Variants in ROCK2 observed in about 807,000 individuals in gnomAD.
ROCK2 encodes the protein rho-associated protein kinase 2.
ROCK2 carries 61 observed loss-of-function variants against 195.1 expected under a neutral mutation model. That is an observed-to-expected ratio of 0.31 (90% confidence interval 0.25 to 0.39). The LOEUF (loss-of-function observed/expected upper bound fraction) is 0.39, where lower values mean the gene tolerates loss of function less well. Among genes scored for constraint, ROCK2 ranks in the 10% least tolerant of loss-of-function variants. The pLI is 1.00. For missense variants in ROCK2, 1,109 were observed against 1,637.4 expected, an observed-to-expected ratio of 0.68 and a Z score of 5.57; for synonymous variants, 504 against 545.5, an observed-to-expected ratio of 0.92 and a Z score of 1.06.
intron 27 of ROCK2, among the ~76,000 whole-genome samples, chr2:11,196,385 G>A (rs902906868): frequency 6.6e-6 from 1 of 152,164 alleles, no homozygotes; most frequent in Non-Finnish European, 1.5e-5. Flanking sequence ...TGAAACTTCA[G>A]GAAGAATTTC....
chr2:11,216,206 T>C lies in ROCK2; in HGVS notation c.1413A>G (p.Lys471=), dbSNP rs1416212560. Residue 471 remains lysine (K), a splice_region_variant and synonymous_variant, in exon 13 of 33, where the codon AAA becomes AAG. Transcript: ENST00000315872. ...QAKEELEQKC[K]SVNTRLEKTA... ...TTTTTTCTAGGCGAGTATTAACAGA[T>C]CTAAAGAATTTCAGAAAGAAACAGT... is the stretch of plus-strand genomic sequence containing the variant. 2 of 1,605,934 alleles carry C rather than the reference T, an allele frequency of 1.2e-6. No homozygotes were observed. Among genetic ancestry groups the C allele is most frequent in the East Asian group, 2.2e-5 (1 of 44,762 alleles).
intron 1 of ROCK2, among the ~76,000 whole-genome samples, chr2:11,305,928 A>T (rs558299481): frequency 6.6e-6 from 1 of 152,346 alleles, no homozygotes; most frequent in East Asian, 1.9e-4. Flanking sequence ...GTGACTTGTC[A>T]AGAGGACACA....
rs986635197 is a variant in ROCK2, at chr2:11,181,209, T to C, written c.*2228A>G. The C allele has an allele frequency of 2.0e-4, 28 of 141,140 alleles. No homozygotes were observed. The highest frequency in any genetic ancestry group is 3.7e-3 in the Middle Eastern group (1 of 268). The allele number at this position is 141,140 out of a possible 1,614,324, so 8.7% of individuals were successfully genotyped here. A position where few individuals can be genotyped will look rare whatever the true frequency, so the allele number is the denominator to read the frequency against. On this transcript the variant is annotated 3_prime_UTR_variant, in exon 33 of 33. Coordinates refer to ENST00000315872, the MANE Select transcript of ROCK2 (RefSeq NM_004850.5). The stretch of plus-strand genomic sequence containing the variant: ...ATATATATATATATATATATATATA[T>C]ACTCTCCAATTCAGAATAGGATAGA...
At chr2:11,238,427 A>T (rs2148110775) in intron 4 of ROCK2, among the ~76,000 whole-genome samples, 1 of 152,254 alleles carries the variant, frequency 6.6e-6, no homozygotes. Flanking sequence ...CCAAAAACCA[A>T]CAAGCAGGTC....
intron 1 of ROCK2, among the ~76,000 whole-genome samples, chr2:11,288,404 G>T (rs1367572690): frequency 6.6e-6 from 1 of 152,296 alleles, no homozygotes; most frequent in South Asian, 2.1e-4. Flanking sequence ...AAGGTAGCAC[G>T]ATTTCTAAAA....
At chr2:11,336,720 T>C (rs1325322324) in intron 1 of ROCK2, among the ~76,000 whole-genome samples, 1 of 152,178 alleles carries the variant, frequency 6.6e-6, no homozygotes, top group East Asian at 1.9e-4. Context: ...TTTTTTAAAA[T>C]GGTGCAGGAT....
chr2:11,303,869 C>G (rs1431642171), intron 1 of ROCK2, among the ~76,000 whole-genome samples: 1 of 152,134 alleles, frequency 6.6e-6, no homozygotes, highest in Non-Finnish European at 1.5e-5. Flanking sequence ...CTTACTTGAC[C>G]TATAAACATC....
At chr2:11,208,518 A>C in intron 18 of ROCK2, 71 bp from the exon 19 acceptor site, 1 of 812,486 alleles carries the variant, frequency 1.2e-6, no homozygotes, top group Non-Finnish European at 1.8e-6. Context: ...TTGTAAGTAA[A>C]AGCACATTAA....
chr2:11,308,543 A>G (rs1667935291), intron 1 of ROCK2: 1 of 1,541,778 alleles, frequency 6.5e-7, no homozygotes, highest in Non-Finnish European at 9.0e-7. Context: ...CAGAATTGAG[A>G]AAACTGGTTT....
intron 27 of ROCK2, among the ~76,000 whole-genome samples, chr2:11,195,555 C>T (rs1454826236): frequency 1.3e-5 from 2 of 152,038 alleles, no homozygotes; most frequent in African/African-American, 2.4e-5. Context: ...TGCTCTGTCG[C>T]CCAGGCTGGA....
At chr2:11,328,974 G>A (rs543928291) in intron 1 of ROCK2, among the ~76,000 whole-genome samples, 2 of 151,164 alleles carry the variant, frequency 1.3e-5, no homozygotes, top group South Asian at 2.1e-4. Context: ...GCTAAATGAC[G>A]AGTTAATGGG....
chr2:11,196,144 A>T (rs1027552849), intron 27 of ROCK2, among the ~76,000 whole-genome samples: 2 of 152,220 alleles, frequency 1.3e-5, no homozygotes, highest in Admixed American at 6.5e-5. Context: ...TTAGATGAGG[A>T]AACTGCAGTC....
At chr2:11,248,054 T>C (rs919954255) in intron 4 of ROCK2, among the ~76,000 whole-genome samples, 2 of 151,888 alleles carry the variant, frequency 1.3e-5, no homozygotes, top group Non-Finnish European at 2.9e-5. Context: ...TGGTATAGAA[T>C]TTACCATAGA....
intron 27 of ROCK2, among the ~76,000 whole-genome samples, chr2:11,195,639 C>T (rs1663605755): frequency 6.6e-6 from 1 of 152,120 alleles, no homozygotes; most frequent in Non-Finnish European, 1.5e-5. Flanking sequence ...CTTGGCTTCC[C>T]AGGTAGCTGG....
intron 3 of ROCK2, among the ~76,000 whole-genome samples, chr2:11,251,918 TC>T (rs1457903129): frequency 1.3e-5 from 2 of 152,114 alleles, no homozygotes; most frequent in African/African-American, 2.4e-5. Flanking sequence ...AAAAAGCTCA[TC>T]ATCACTGGTC....
chr2:11,184,290 G>A (rs929100620), intron 32 of ROCK2, among the ~76,000 whole-genome samples: 1 of 152,276 alleles, frequency 6.6e-6, no homozygotes, highest in Admixed American at 6.5e-5. Context: ...ATGGAGAAAG[G>A]AATCTCATGC....
At chr2:11,332,184 T>C (rs532878734) in intron 1 of ROCK2, among the ~76,000 whole-genome samples, 34 of 152,042 alleles carry the variant, frequency 2.2e-4, no homozygotes, top group African/African-American at 3.6e-4. Context: ...AAAAAGAGCC[T>C]ACACAGATCA....
At chr2:11,265,052 AT>A (rs1666366930) in intron 3 of ROCK2, among the ~76,000 whole-genome samples, 1 of 152,132 alleles carries the variant, frequency 6.6e-6, no homozygotes, top group Non-Finnish European at 1.5e-5. Flanking sequence ...CGTGAGTTTA[AT>A]TTTCCCATCT....
chr2:11,206,768 T>C (rs1416520208), intron 20 of ROCK2, among the ~76,000 whole-genome samples: 1 of 152,244 alleles, frequency 6.6e-6, no homozygotes, highest in Non-Finnish European at 1.5e-5. Context: ...ACTTATCATA[T>C]GATGGATGCT....
Sources: allele counts gnomAD v4.1 joint callset (sites outside exome capture counted in the v4.1 genomes callset), GRCh38; gene constraint gnomAD v4.1.1; transcripts MANE v1.5; gene names NCBI Gene and HGNC (gene_info 2026-07-23, HGNC 2026-07-21).